TNRC18: variants seen among roughly 807,000 people sequenced by gnomAD.
TNRC18 encodes trinucleotide repeat containing 18, also known as trinucleotide repeat-containing gene 18 protein.
TNRC18 carries 69 observed loss-of-function variants against 226.7 expected under a neutral mutation model. The ratio of observed to expected loss-of-function variants is 0.30; its 90% CI spans 0.25 to 0.37. TNRC18 has a LOEUF of 0.37. Among genes scored for constraint, TNRC18 ranks in the 10% least tolerant of loss-of-function variants. The probability of loss-of-function intolerance (pLI) is 1.00; values close to 1 mark genes in which losing one functional copy is unlikely to be tolerated. For missense variants in TNRC18, 4,754 were observed against 4,256.6 expected, an observed-to-expected ratio of 1.12 and a Z score of -3.25; for synonymous variants, 2,449 against 1,927.6, an observed-to-expected ratio of 1.27 and a Z score of -7.09.
chr7:5,326,982 G>C (rs555120119), intron 19 of TNRC18, among the ~76,000 whole-genome samples: 2 of 152,162 alleles, frequency 1.3e-5, no homozygotes, highest in South Asian at 4.1e-4. Context: ...AAAGTAGCTG[G>C]GCATGGTGGC....
intron 2 of TNRC18, among the ~76,000 whole-genome samples, chr7:5,401,411 T>C (rs1434806509): frequency 6.6e-6 from 1 of 152,154 alleles, no homozygotes; most frequent in African/African-American, 2.4e-5. Flanking sequence ...CACTCCCGCC[T>C]GTCTATACCC....
chr7:5,349,365 AG>A (rs1156848056), intron 17 of TNRC18, among the ~76,000 whole-genome samples: 1 of 152,150 alleles, frequency 6.6e-6, no homozygotes, highest in Non-Finnish European at 1.5e-5. Flanking sequence ...GGGGACAGGG[AG>A]GGGGGAAAAA....
chr7:5,374,405 T>G lies in TNRC18; in HGVS notation c.2879A>C (p.Lys960Thr). ...GSKRGLEAAG[K>T]AGLATAGPGL... ...GGGGCCGGCGGTGGCCAGGCCAGCCTTGCCCGCAGCCTCCAGGCCCCGCTT... is the reference window on the plus strand; with the variant it reads ...GGGGCCGGCGGTGGCCAGGCCAGCCGTGCCCGCAGCCTCCAGGCCCCGCTT... Residue 960 changes from lysine to threonine, a missense_variant, in exon 10 of 30, where the codon AAG becomes ACG. Lys to Thr is a moderately conservative substitution (Grantham distance 78). Coordinates refer to ENST00000430969, the MANE Select transcript of TNRC18 (RefSeq NM_001080495.3). 5 of 1,534,440 alleles carry G rather than the reference T, an allele frequency of 3.3e-6. No individual in the cohort carries two copies. Among genetic ancestry groups the G allele is most frequent in the Non-Finnish European group, 4.4e-6 (5 of 1,140,488 alleles).
chr7:5,397,354 C>T (rs1433710495), intron 2 of TNRC18, among the ~76,000 whole-genome samples: 1 of 152,226 alleles, frequency 6.6e-6, no homozygotes, highest in Non-Finnish European at 1.5e-5. Context: ...CCTAATGGCC[C>T]AGGCCGGCCC....
At chr7:5,399,762 A>G (rs1307288587) in intron 2 of TNRC18, among the ~76,000 whole-genome samples, 3 of 152,090 alleles carry the variant, frequency 2.0e-5, no homozygotes, top group Non-Finnish European at 4.4e-5. Context: ...TCACACCTAT[A>G]ATACCAGCAC....
rs1787004190 is a variant in TNRC18, at chr7:5,309,902, T to A, written c.8389-534A>T. 6.6e-6 allele frequency among the ~76,000 whole-genome samples: 1 copy of A among 152,186 alleles called. No homozygotes were observed. The highest frequency in any genetic ancestry group is 2.4e-5 in the African/African-American group (1 of 41,436). ...CAGTGTCAGCCACTGCACCTGGCCTTATTTTTCTTTTGAAAATTACTTTTT... is the reference window on the plus strand; with the variant it reads ...CAGTGTCAGCCACTGCACCTGGCCTAATTTTTCTTTTGAAAATTACTTTTT... On this transcript the variant is annotated intron_variant, in intron 27 of 29. Coordinates refer to ENST00000430969, the MANE Select transcript of TNRC18 (RefSeq NM_001080495.3). This position sits in a 1 kb window ranked among gnomAD's most constrained non-coding sequence, Gnocchi z 5.7.
At position 5,324,436 on chromosome 7, in the gene TNRC18, G is replaced by C. The variant is rs1427798204; in HGVS notation, c.6301-81C>G. 11 of 1,554,648 alleles carry C rather than the reference G, an allele frequency of 7.1e-6. No individual in the cohort carries two copies. Among genetic ancestry groups the C allele is most frequent in the Non-Finnish European group, 9.6e-6 (11 of 1,145,986 alleles). ...GGTTGGGGACCCTCTCTGGAAACCT[G>C]GAGCCACAGTCAGGCCGCAGGGGGA... On this transcript the variant is annotated intron_variant, in intron 20 of 29. Transcript: ENST00000430969. The surrounding 1 kb of genome is among the most constrained non-coding windows in gnomAD (Gnocchi z 4.8).
intron 5 of TNRC18, among the ~76,000 whole-genome samples, chr7:5,378,977 T>G (rs1013417279): frequency 4.0e-5 from 6 of 151,416 alleles, no homozygotes; most frequent in African/African-American, 1.5e-4. Context: ...GCGGATCACC[T>G]GAGGTCAGGA....
intron 5 of TNRC18, among the ~76,000 whole-genome samples, chr7:5,383,273 TA>T (rs2128187539): frequency 6.6e-6 from 1 of 152,258 alleles, no homozygotes; most frequent in Non-Finnish European, 1.5e-5. Flanking sequence ...CAAATGTAGG[TA>T]ATGCCTGTCC....
At chr7:5,368,449 G>A (rs1172065157) in intron 11 of TNRC18, among the ~76,000 whole-genome samples, 2 of 152,062 alleles carry the variant, frequency 1.3e-5, no homozygotes, top group African/African-American at 4.8e-5. Flanking sequence ...GATCACTTGA[G>A]GTCAGGAGTA....
chr7:5,408,298 CAAAAAAA>C (rs55756995), intron 2 of TNRC18, among the ~76,000 whole-genome samples: 1 of 72,488 alleles, frequency 1.4e-5, no homozygotes, highest in Non-Finnish European at 2.9e-5. Context: ...ACTTCCGTCT[CAAAAAAA>C]AAAAAAAAAA....
chr7:5,388,798 G>T lies in TNRC18; in HGVS notation c.1026C>A (p.Pro342=). ...CCGCGGGGGGTGCAGGAGGCCCCTT[G>T]GGGGGCGCGGGCGGCGGGGGCAGCG... ...PSPLPPPPAP[P]KGPPAPPAAT... The change falls in exon 5 of 30, where the codon CCC becomes CCA. Residue 342 remains proline, a synonymous_variant. Coordinates refer to ENST00000430969, the MANE Select transcript of TNRC18 (RefSeq NM_001080495.3). 8.3e-7 allele frequency: 1 copy of T among 1,199,440 alleles called. No homozygotes were observed. The highest frequency in any genetic ancestry group is 1.0e-6 in the Non-Finnish European group (1 of 966,018). 74.3% of individuals were successfully genotyped at this position (1,199,440 alleles called of 1,614,324 possible). A position where few individuals can be genotyped will look rare whatever the true frequency, so the allele number is the denominator to read the frequency against.
chr7:5,394,703 G>A lies in TNRC18; in HGVS notation c.188-108C>T. 2.5e-6 allele frequency: 2 copies of A among 809,608 alleles called. No homozygotes were observed. The highest frequency in any genetic ancestry group is 5.9e-5 in the Admixed American group (2 of 33,836). The allele number at this position is 809,608 out of a possible 1,614,324, so 50.2% of individuals were successfully genotyped here. On this transcript the variant is annotated intron_variant, in intron 2 of 29. Transcript: ENST00000430969. This position sits in a 1 kb window ranked among gnomAD's most constrained non-coding sequence, Gnocchi z 4.5. Reference sequence around the variant, plus strand: ...CCGAGACCGCCGCCTCTCCCCAGCTGTGTGGAGCTGATGCTGGCCAGGAGA... The same window carrying A: ...CCGAGACCGCCGCCTCTCCCCAGCTATGTGGAGCTGATGCTGGCCAGGAGA...
chr7:5,411,215 CAAAA>C (rs35392221), intron 2 of TNRC18, among the ~76,000 whole-genome samples: 1 of 75,988 alleles, frequency 1.3e-5, no homozygotes, highest in Admixed American at 1.5e-4. Flanking sequence ...GACTCCATCT[CAAAA>C]AAAAAAAAAA....
chr7:5,417,591 T>G (rs1782270419), intron 2 of TNRC18, among the ~76,000 whole-genome samples: 1 of 152,236 alleles, frequency 6.6e-6, no homozygotes, highest in Non-Finnish European at 1.5e-5. Flanking sequence ...TTGGGTTCAC[T>G]GCCGCATTCC....
chr7:5,342,593 G>A (rs1790796801), intron 18 of TNRC18, among the ~76,000 whole-genome samples: 1 of 152,206 alleles, frequency 6.6e-6, no homozygotes, highest in African/African-American at 2.4e-5. Flanking sequence ...GCAATGTCAT[G>A]AGACATTTGA....
intron 24 of TNRC18, among the ~76,000 whole-genome samples, chr7:5,316,834 T>A (rs1422660644): frequency 6.6e-6 from 1 of 151,160 alleles, no homozygotes; most frequent in Admixed American, 6.6e-5. Flanking sequence ...GAGGAGGTGG[T>A]TTTCCTAAGA....
At chr7:5,422,345 C>T (rs1365725397) in intron 1 of TNRC18, among the ~76,000 whole-genome samples, 6 of 140,590 alleles carry the variant, frequency 4.3e-5, no homozygotes, top group Non-Finnish European at 9.3e-5. Flanking sequence ...CCCACAACCA[C>T]CCCCCAAAAT....
chr7:5,308,379 C>T lies in TNRC18; in HGVS notation c.8701-67G>A, dbSNP rs2128098544. On this transcript the variant is annotated intron_variant, in intron 29 of 29. Coordinates refer to ENST00000430969, the MANE Select transcript of TNRC18 (RefSeq NM_001080495.3). ...CAGAGGCCGAGGGAGCCCCAGGGAG[C>T]CACAGGGACAGAGACAGAAGCAGAG... 6 of 1,467,256 alleles carry T rather than the reference C, an allele frequency of 4.1e-6. No individual in the cohort carries two copies. In the South Asian group the frequency reaches 7.5e-5, roughly 18 times the overall value. 90.9% of individuals were successfully genotyped at this position (1,467,256 alleles called of 1,614,324 possible).
Sources: allele counts gnomAD v4.1 joint callset (sites outside exome capture counted in the v4.1 genomes callset), GRCh38; gene constraint gnomAD v4.1.1; non-coding constraint Gnocchi (gnomAD v3.1); transcripts MANE v1.5; gene names NCBI Gene and HGNC (gene_info 2026-07-23, HGNC 2026-07-21).